Variants in GMDS observed in about 807,000 individuals in gnomAD.
The protein encoded by GMDS is GDP-mannose 4,6-dehydratase.
GMDS carries 20 observed loss-of-function variants against 49.9 expected under a neutral mutation model. That is an observed-to-expected ratio of 0.40 (90% confidence interval 0.28 to 0.58). The LOEUF (loss-of-function observed/expected upper bound fraction) is 0.58. GMDS is among the 20% of genes least tolerant of loss of function. The pLI is 0.42. For synonymous variants in GMDS, 177 were observed against 178.6 expected (o/e 0.99, Z 0.07); for missense variants, 362 against 481.4 (o/e 0.75, Z 2.32).
chr6:1,692,039 T>C (rs1463087945), intron 9 of GMDS, among the ~76,000 whole-genome samples: 1 of 152,196 alleles, frequency 6.6e-6, no homozygotes, highest in Admixed American at 6.5e-5. Flanking sequence ...TCTAATCAGC[T>C]GCCAGTGTAA....
intron 4 of GMDS, among the ~76,000 whole-genome samples, chr6:2,053,821 G>T (rs1263629623): frequency 2.0e-5 from 3 of 152,008 alleles, no homozygotes; most frequent in South Asian, 2.1e-4. Context: ...TCTAATAATG[G>T]ATAGGCATTG....
intron 7 of GMDS, among the ~76,000 whole-genome samples, chr6:1,786,406 G>C (rs898469030): frequency 6.6e-6 from 1 of 152,232 alleles, no homozygotes; most frequent in African/African-American, 2.4e-5. Flanking sequence ...GCAGGCCAGG[G>C]AAAGAGTGGG....
intron 1 of GMDS, among the ~76,000 whole-genome samples, chr6:2,128,356 A>G (rs1349099065): frequency 6.6e-6 from 1 of 151,964 alleles, no homozygotes; most frequent in Non-Finnish European, 1.5e-5. Flanking sequence ...TTGTATTTTT[A>G]GTAGAGACAG....
chr6:1,640,764 A>C lies in GMDS; in HGVS notation c.988-16224T>G, dbSNP rs149618011. ...GGCACTGTCAGTAAACAGGCAATCA[A>C]GGAAACAATCAGGTGGTTACAAGGC... On this transcript the variant is annotated intron_variant, in intron 9 of 10. Coordinates refer to ENST00000380815, the MANE Select transcript of GMDS (RefSeq NM_001500.4). This position sits in a 1 kb window ranked among gnomAD's most constrained non-coding sequence, Gnocchi z 4.0. Among the ~76,000 whole-genome samples the C allele has an allele frequency of 6.6e-6, 1 of 152,288 alleles. No homozygotes were observed. The highest frequency in any genetic ancestry group is 2.4e-5 in the African/African-American group (1 of 41,558).
intron 7 of GMDS, among the ~76,000 whole-genome samples, chr6:1,775,031 C>T (rs1768739712): frequency 1.3e-5 from 2 of 152,122 alleles, no homozygotes; most frequent in Non-Finnish European, 2.9e-5. Context: ...TTAGAGACAA[C>T]AACTTAATAA....
rs528649697 is a variant in GMDS at position 1,751,833 on chromosome 6, A to G, written c.772-9247T>C. On this transcript the variant is annotated intron_variant, in intron 7 of 10. Transcript: ENST00000380815. ...AGGAAAACTAACAGAAAGAAATAGCATCAACATCAACAAAAAGAACGTCCA... is the reference window on the plus strand; with the variant it reads ...AGGAAAACTAACAGAAAGAAATAGCGTCAACATCAACAAAAAGAACGTCCA... Among the ~76,000 whole-genome samples, 16 of 152,318 alleles carry G rather than the reference A, an allele frequency of 1.1e-4. No homozygotes were observed. The South Asian group carries it at 2.1e-3, about 20-fold the overall frequency.
chr6:1,776,229 G>C (rs1344660035), intron 7 of GMDS, among the ~76,000 whole-genome samples: 1 of 152,158 alleles, frequency 6.6e-6, no homozygotes, highest in Non-Finnish European at 1.5e-5. Context: ...TCTTTCCATC[G>C]AGTTTGGAAA....
chr6:1,929,459 T>C (rs1762182076), intron 7 of GMDS, among the ~76,000 whole-genome samples: 1 of 152,218 alleles, frequency 6.6e-6, no homozygotes. Flanking sequence ...CTTGCGTATG[T>C]AATATATGCA....
chr6:1,872,988 C>T (rs934141321), intron 7 of GMDS, among the ~76,000 whole-genome samples: 3 of 152,204 alleles, frequency 2.0e-5, no homozygotes, highest in African/African-American at 7.2e-5. Context: ...TCCTGTATCA[C>T]ACAGGTTTCT....
At chr6:2,209,936 A>G (rs1408319670) in intron 1 of GMDS, among the ~76,000 whole-genome samples, 1 of 152,166 alleles carries the variant, frequency 6.6e-6, no homozygotes, top group East Asian at 1.9e-4. Context: ...AAGGACCCAA[A>G]ACCTAGCGTG....
chr6:1,738,073 C>A lies in GMDS; in HGVS notation c.890+4395G>T, dbSNP rs572509334. ...ATACACCACACACATACACACATAC[C>A]ACACACACACCACACACATACACAC... is the stretch of plus-strand genomic sequence containing the variant. On this transcript the variant is annotated intron_variant, in intron 8 of 10. Transcript: ENST00000380815. 1.1e-4 allele frequency among the ~76,000 whole-genome samples: 16 copies of A among 143,094 alleles called. 1 individual carries two copies. The highest frequency in any genetic ancestry group is 4.1e-4 in the African/African-American group (16 of 38,666). 93.9% of individuals were successfully genotyped at this position (143,094 alleles called of 152,430 possible).
intron 7 of GMDS, among the ~76,000 whole-genome samples, chr6:1,912,819 A>C (rs1220460183): frequency 2.0e-5 from 3 of 152,216 alleles, no homozygotes; most frequent in African/African-American, 7.2e-5. Context: ...AGAATATTAC[A>C]ACATAAAAAT....
intron 7 of GMDS, among the ~76,000 whole-genome samples, chr6:1,827,118 GTGTA>G (rs1771153518): frequency 1.4e-5 from 2 of 140,502 alleles, no homozygotes; most frequent in South Asian, 4.6e-4. Flanking sequence ...GTGTGTGTGT[GTGTA>G]TGTGTATCCA....
intron 6 of GMDS, among the ~76,000 whole-genome samples, chr6:1,948,678 C>A (rs1262709522): frequency 6.6e-6 from 1 of 152,124 alleles, no homozygotes; most frequent in Non-Finnish European, 1.5e-5. Flanking sequence ...AAAAAAAATA[C>A]TTGACAGTTT....
intron 1 of GMDS, chr6:2,176,005 C>G: frequency 6.5e-7 from 1 of 1,534,432 alleles, no homozygotes; most frequent in Non-Finnish European, 8.7e-7. Flanking sequence ...CTGGATCACA[C>G]AAAAGTGCCT....
intron 9 of GMDS, among the ~76,000 whole-genome samples, chr6:1,663,202 G>T (rs7757590): frequency 0.42 from 63,560 of 152,016 alleles, 13,850 homozygotes; most frequent in Middle Eastern, 0.5. Flanking sequence ...GAAAGGGAGA[G>T]AAATTCAACT....
intron 4 of GMDS, among the ~76,000 whole-genome samples, chr6:2,009,940 T>C (rs1020505585): frequency 3.3e-5 from 5 of 152,104 alleles, no homozygotes; most frequent in Admixed American, 6.5e-5. Context: ...CTTGAAGATA[T>C]AATGGCTGAA....
Position 2,191,687 on chromosome 6 carries a change from ACT to A in GMDS, c.102+53632_102+53633del, listed in dbSNP as rs1779026210. ...GTCCTGCCACCTCAGCTCCCTCCAGACTCTGTGTGCTGACAAGCATGGGATGT... is the reference window on the plus strand; with the variant it reads ...GTCCTGCCACCTCAGCTCCCTCCAGACTGTGTGCTGACAAGCATGGGATGT... On this transcript the variant is annotated intron_variant, in intron 1 of 10. Transcript: ENST00000380815. This position sits in a 1 kb window ranked among gnomAD's most constrained non-coding sequence, Gnocchi z 4.6. Among the ~76,000 whole-genome samples the A allele has an allele frequency of 6.6e-6, 1 of 152,094 alleles. No homozygotes were observed. Among genetic ancestry groups the A allele is most frequent in the Non-Finnish European group, 1.5e-5 (1 of 67,994 alleles).
At chr6:2,116,959 G>T (rs1370378743) in intron 3 of GMDS, among the ~76,000 whole-genome samples, 1 of 152,148 alleles carries the variant, frequency 6.6e-6, no homozygotes, top group Non-Finnish European at 1.5e-5. Context: ...AAACTGTACA[G>T]CTGCATACAG....
Sources: allele counts gnomAD v4.1 joint callset (sites outside exome capture counted in the v4.1 genomes callset), GRCh38; gene constraint gnomAD v4.1.1; non-coding constraint Gnocchi (gnomAD v3.1); transcripts MANE v1.5; gene names NCBI Gene and HGNC (gene_info 2026-07-23, HGNC 2026-07-21).